The following ZMYM2 variants were observed in gnomAD, a reference collection of about 807,000 sequenced individuals.
ZMYM2 encodes the protein zinc finger MYM-type protein 2.
In ZMYM2, 56 loss-of-function variants were observed where a neutral mutation model predicts 162.8. The observed-to-expected ratio is 0.34, with a 90% confidence interval of 0.28 to 0.43. The LOEUF (loss-of-function observed/expected upper bound fraction) is 0.43. Among genes scored for constraint, ZMYM2 ranks in the 20% least tolerant of loss-of-function variants. The pLI is 1.00. For synonymous variants in ZMYM2, 510 were observed against 541.6 expected (o/e 0.94, Z 0.81); for missense variants, 1,275 against 1,621.8 (o/e 0.79, Z 3.67).
the ZMYM2 span, among the ~76,000 whole-genome samples, chr13:19,919,181 G>A: frequency 8.8e-4 from 132 of 149,624 alleles, 1 homozygote; most frequent in Middle Eastern, 3.5e-3. Flanking sequence ...CATCCAAGTC[G>A]TGCATATGAA....
At chr13:19,987,948 G>A (rs7332346) in intron 2 of ZMYM2, among the ~76,000 whole-genome samples, 4 of 152,016 alleles carry the variant, frequency 2.6e-5, no homozygotes, top group African/African-American at 4.8e-5. Context: ...TATCTTTTGC[G>A]ATTTTCCAGT....
chr13:19,958,621 CA>C (rs1954739200), upstream of ZMYM2: 1 of 152,150 alleles, frequency 6.6e-6, no homozygotes, highest in Admixed American at 6.5e-5. Context: ...CCGTCGGAGC[CA>C]ATGGGCGTGC....
At chr13:19,869,513 C>T in the ZMYM2 span, among the ~76,000 whole-genome samples, 16 of 152,140 alleles carry the variant, frequency 1.1e-4, no homozygotes, top group African/African-American at 2.7e-4. Flanking sequence ...ACTGGCTGGG[C>T]GTGGTGGCTC....
At chr13:19,995,019 A>AAG in intron 3 of ZMYM2, among the ~76,000 whole-genome samples, 1 of 143,740 alleles carries the variant, frequency 7.0e-6, no homozygotes, top group East Asian at 2.0e-4. Flanking sequence ...AAAAAAAAAA[A>AAG]TTATTTGTAG....
chr13:20,050,156 A>G (rs1480466043), intron 12 of ZMYM2, among the ~76,000 whole-genome samples: 2 of 151,966 alleles, frequency 1.3e-5, no homozygotes, highest in Non-Finnish European at 2.9e-5. Flanking sequence ...ATATTGCATC[A>G]CTTAGTAGTC....
intron 12 of ZMYM2, among the ~76,000 whole-genome samples, chr13:20,049,555 G>T (rs1308512841): frequency 6.6e-6 from 1 of 151,918 alleles, no homozygotes; most frequent in Non-Finnish European, 1.5e-5. Flanking sequence ...TATTGTGTTA[G>T]GGTATTTATT....
At chr13:20,031,246 A>C (rs17075256) in intron 9 of ZMYM2, 73 bp from the exon 10 acceptor site, 81,921 of 1,037,562 alleles carry the variant, frequency 0.079, 6,564 homozygotes, top group African/African-American at 0.38. Flanking sequence ...GACATCGTAG[A>C]TATATGACAG....
the ZMYM2 span, among the ~76,000 whole-genome samples, chr13:19,890,419 C>T: frequency 2.7e-5 from 4 of 147,546 alleles, no homozygotes; most frequent in Non-Finnish European, 4.4e-5. Flanking sequence ...CCTCCTGCCT[C>T]GGCCTCCTAA....
the ZMYM2 span, among the ~76,000 whole-genome samples, chr13:19,921,020 T>C: frequency 0.77 from 117,227 of 151,820 alleles, 45,901 homozygotes; most frequent in East Asian, 0.84. Context: ...CCGCCCACTT[T>C]GGCCTCCCAA....
chr13:19,967,268 A>C (rs1217229296), intron 2 of ZMYM2, among the ~76,000 whole-genome samples: 1 of 152,172 alleles, frequency 6.6e-6, no homozygotes, highest in Admixed American at 6.5e-5. Context: ...TAAACTCGTG[A>C]ATTTGGTGAG....
intron 3 of ZMYM2, among the ~76,000 whole-genome samples, chr13:20,002,606 C>G (rs571569877): frequency 6.6e-6 from 1 of 152,242 alleles, no homozygotes; most frequent in African/African-American, 2.4e-5. Context: ...AGTTACCCGA[C>G]ATACCCTTTT....
rs142575789 is a variant in ZMYM2, at chr13:19,977,830, T to A, written c.-10-15233T>A. 4.2e-3 allele frequency among the ~76,000 whole-genome samples: 641 copies of A among 151,660 alleles called. 6 individuals are homozygous for A. The highest frequency in any genetic ancestry group is 0.015 in the African/African-American group (615 of 41,376). ...TTCTATTATTGCTTTTTATGTTAAA[T>A]TTTTCTCTAGTGTACCATTTGATTC... On this transcript the variant is annotated intron_variant, in intron 2 of 24. Transcript: ENST00000610343.
At chr13:19,931,138 C>CA in the ZMYM2 span, among the ~76,000 whole-genome samples, 1,134 of 127,492 alleles carry the variant, frequency 8.9e-3, 11 homozygotes, top group African/African-American at 0.011. Flanking sequence ...GACTCTCTCT[C>CA]AAAAAAAAAA....
chr13:20,024,755 T>C (rs1269226011), intron 7 of ZMYM2: 3 of 218,254 alleles, frequency 1.4e-5, no homozygotes, highest in Non-Finnish European at 2.8e-5. Context: ...TAGTGAGATA[T>C]AGTATGTTTG....
chr13:20,077,898 A>G (rs1335983841), intron 21 of ZMYM2, among the ~76,000 whole-genome samples: 1 of 148,874 alleles, frequency 6.7e-6, no homozygotes, highest in African/African-American at 2.5e-5. Context: ...GCTGGAGTGC[A>G]GTGGTGTGAT....
chr13:19,975,372 C>T (rs2139366385), intron 2 of ZMYM2, among the ~76,000 whole-genome samples: 1 of 152,302 alleles, frequency 6.6e-6, no homozygotes. Context: ...CCCCTGGTAA[C>T]TTCTGTTCTA....
intron 7 of ZMYM2, among the ~76,000 whole-genome samples, chr13:20,022,601 A>G (rs576028133): frequency 6.6e-6 from 1 of 152,344 alleles, no homozygotes; most frequent in South Asian, 2.1e-4. Flanking sequence ...GCTAAAAGAA[A>G]AATTGTAAAT....
intron 21 of ZMYM2, chr13:20,068,491 T>C (rs1956844029): frequency 6.4e-6 from 1 of 155,964 alleles, no homozygotes. Flanking sequence ...CTAGGAATAT[T>C]AATGTATTAT....
the ZMYM2 span, among the ~76,000 whole-genome samples, chr13:19,919,291 A>G: frequency 6.6e-6 from 1 of 152,192 alleles, no homozygotes; most frequent in Non-Finnish European, 1.5e-5. Flanking sequence ...TTTTACAAAT[A>G]AAGATATTAC....
Sources: allele counts gnomAD v4.1 joint callset (sites outside exome capture counted in the v4.1 genomes callset), GRCh38; gene constraint gnomAD v4.1.1; transcripts MANE v1.5; gene names NCBI Gene and HGNC (gene_info 2026-07-23, HGNC 2026-07-21).